Variants in SLC35F3 observed in about 807,000 individuals in gnomAD.
The protein encoded by SLC35F3 is putative thiamine transporter SLC35F3.
In SLC35F3, 25 loss-of-function variants were observed where a neutral mutation model predicts 49.9. The observed-to-expected ratio is 0.50, with a 90% CI of 0.37 to 0.70. The LOEUF is 0.70. Among genes scored for constraint, SLC35F3 ranks in the 30% least tolerant of loss-of-function variants. SLC35F3 has a pLI of 0.00. For missense variants in SLC35F3, 525 were observed against 639.8 expected (o/e 0.82, Z 1.94); for synonymous variants, 275 against 265.4 (o/e 1.04, Z -0.35).
chr1:234,138,258 T>C (rs958846699), intron 2 of SLC35F3, among the ~76,000 whole-genome samples: 1 of 152,126 alleles, frequency 6.6e-6, no homozygotes, highest in African/African-American at 2.4e-5. Flanking sequence ...ATCTCAGAAG[T>C]TGTGGTGAGG....
intron 2 of SLC35F3, among the ~76,000 whole-genome samples, chr1:233,935,080 A>T (rs954100073): frequency 6.7e-6 from 1 of 150,016 alleles, no homozygotes; most frequent in Admixed American, 6.7e-5. Context: ...ATACCTTAAC[A>T]TTTCAGTCAT....
intron 2 of SLC35F3, among the ~76,000 whole-genome samples, chr1:234,086,610 T>C (rs779561167): frequency 6.6e-6 from 1 of 152,198 alleles, no homozygotes; most frequent in Non-Finnish European, 1.5e-5. Context: ...TTACACATGA[T>C]TAATAATTGC....
chr1:233,991,445 A>G (rs113852521), intron 2 of SLC35F3, among the ~76,000 whole-genome samples: 6 of 152,250 alleles, frequency 3.9e-5, no homozygotes, highest in East Asian at 1.9e-4. Context: ...AGAAAAAAAA[A>G]GAAAAAGAAA....
intron 2 of SLC35F3, among the ~76,000 whole-genome samples, chr1:234,044,675 T>G (rs1338455376): frequency 6.6e-6 from 1 of 152,232 alleles, no homozygotes; most frequent in African/African-American, 2.4e-5. Context: ...TCAATTTGCA[T>G]TTCCTAGATT....
At chr1:234,144,366 A>C (rs1001392377) in intron 2 of SLC35F3, among the ~76,000 whole-genome samples, 1 of 152,166 alleles carries the variant, frequency 6.6e-6, no homozygotes, top group Non-Finnish European at 1.5e-5. Context: ...CTCTAAAGCC[A>C]CTAATAAACA....
chr1:234,135,532 G>A (rs891327791), intron 2 of SLC35F3, among the ~76,000 whole-genome samples: 6 of 152,172 alleles, frequency 3.9e-5, no homozygotes, highest in African/African-American at 1.2e-4. Context: ...GTCATACTCA[G>A]GGCTCAGATT....
At position 233,904,969 on chromosome 1, in the gene SLC35F3, C is replaced by T. The variant is rs949446112; in HGVS notation, c.-109C>T. On this transcript the variant is annotated 5_prime_UTR_variant, in exon 1 of 8. Coordinates refer to ENST00000366618, the MANE Select transcript of SLC35F3 (RefSeq NM_173508.4). ...GGGCGGCCGGCGCGGCGCAGACCCT[C>T]GGTGGGCAGCGCACTCCAGTCTTCC... 6 of 1,283,970 alleles carry T rather than the reference C, an allele frequency of 4.7e-6. No individual in the cohort carries two copies. Among genetic ancestry groups the T allele is most frequent in the Admixed American group, 2.2e-5 (1 of 45,014 alleles). 79.5% of individuals were successfully genotyped at this position (1,283,970 alleles called of 1,614,324 possible).
chr1:233,996,775 G>A (rs60741248), intron 2 of SLC35F3, among the ~76,000 whole-genome samples: 8,650 of 152,158 alleles, frequency 0.057, 609 homozygotes, highest in African/African-American at 0.17. Flanking sequence ...TCTCTCATTC[G>A]ATACTCTCAG....
intron 4 of SLC35F3, among the ~76,000 whole-genome samples, chr1:234,315,047 C>T (rs1314239849): frequency 2.0e-5 from 3 of 152,110 alleles, no homozygotes; most frequent in East Asian, 3.9e-4. Context: ...TCTTAATGAA[C>T]ACTTCTACAC....
At chr1:234,036,189 A>C (rs1488766745) in intron 2 of SLC35F3, among the ~76,000 whole-genome samples, 1 of 152,086 alleles carries the variant, frequency 6.6e-6, no homozygotes, top group Non-Finnish European at 1.5e-5. Context: ...CAGCCTCCCA[A>C]GTAGCTGGGA....
intron 2 of SLC35F3, among the ~76,000 whole-genome samples, chr1:234,193,041 T>TA: frequency 6.6e-6 from 1 of 152,184 alleles, no homozygotes; most frequent in East Asian, 1.9e-4. Context: ...CCTACAAATT[T>TA]AATGAAATTC....
chr1:234,323,510 G>A lies in SLC35F3; in HGVS notation c.*267G>A, dbSNP rs1572153697. ...GGTTTAAAAGTTCCCTGCGTAGATC[G>A]TTTTGGATGGCTGACGTTCTTGACA... On this transcript the variant is annotated 3_prime_UTR_variant, in exon 8 of 8. Coordinates refer to ENST00000366618, the MANE Select transcript of SLC35F3 (RefSeq NM_173508.4). This position sits in a 1 kb window ranked among gnomAD's most constrained non-coding sequence, Gnocchi z 4.5. 1 of 467,060 alleles carries A rather than the reference G, an allele frequency of 2.1e-6. No homozygotes were observed. Among genetic ancestry groups the A allele is most frequent in the East Asian group, 3.7e-5 (1 of 26,940 alleles). The allele number at this position is 467,060 out of a possible 1,614,324, so 28.9% of individuals were successfully genotyped here.
chr1:233,937,761 T>C (rs1456554621), intron 2 of SLC35F3, among the ~76,000 whole-genome samples: 2 of 152,150 alleles, frequency 1.3e-5, no homozygotes, highest in African/African-American at 4.8e-5. Flanking sequence ...CAAAAGAAGA[T>C]GAAGGTCACA....
At chr1:234,116,692 T>C (rs570081271) in intron 2 of SLC35F3, among the ~76,000 whole-genome samples, 70 of 152,184 alleles carry the variant, frequency 4.6e-4, no homozygotes, top group Non-Finnish European at 9.0e-4. Context: ...CTTTGTATTT[T>C]TAGTAGAGAC....
rs939536631 is a variant in SLC35F3 at position 233,957,906 on chromosome 1, G to A, written c.283+52148G>A. 1.3e-5 allele frequency among the ~76,000 whole-genome samples: 2 copies of A among 152,194 alleles called. No individual in the cohort carries two copies. Among genetic ancestry groups the A allele is most frequent in the Non-Finnish European group, 2.9e-5 (2 of 68,030 alleles). ...GGCAGCTCTTCTGCTGGTAGTTCTTGAGGCCTTTTATATGTTTGTGGTCAA... is the reference window on the plus strand; with the variant it reads ...GGCAGCTCTTCTGCTGGTAGTTCTTAAGGCCTTTTATATGTTTGTGGTCAA... On this transcript the variant is annotated intron_variant, in intron 2 of 7. Coordinates refer to ENST00000366618, the MANE Select transcript of SLC35F3 (RefSeq NM_173508.4). The surrounding 1 kb of genome is among the most constrained non-coding windows in gnomAD (Gnocchi z 4.0).
At chr1:234,243,405 C>G (rs892986045) in intron 3 of SLC35F3, among the ~76,000 whole-genome samples, 13 of 152,078 alleles carry the variant, frequency 8.5e-5, no homozygotes, top group African/African-American at 2.7e-4. Flanking sequence ...CCCAATAACA[C>G]TTTATTATTA....
intron 3 of SLC35F3, among the ~76,000 whole-genome samples, chr1:234,243,605 A>G (rs1294672746): frequency 6.6e-6 from 1 of 152,160 alleles, no homozygotes; most frequent in Non-Finnish European, 1.5e-5. Flanking sequence ...GGTGTAATAG[A>G]TCTTCTCTAA....
intron 3 of SLC35F3, among the ~76,000 whole-genome samples, chr1:234,238,607 C>G (rs1285130688): frequency 2.0e-5 from 3 of 152,120 alleles, no homozygotes; most frequent in Non-Finnish European, 4.4e-5. Flanking sequence ...TATTTTTCCT[C>G]TGGCATCTCC....
intron 2 of SLC35F3, among the ~76,000 whole-genome samples, chr1:234,157,818 T>G (rs1228724671): frequency 6.6e-6 from 1 of 152,340 alleles, no homozygotes; most frequent in Middle Eastern, 3.4e-3. Context: ...GATCATGACA[T>G]TTCTTCACCA....
Sources: gnomAD v4.1 joint callset for allele counts (sites outside exome capture counted in the v4.1 genomes callset) on GRCh38, gnomAD v4.1.1 for gene constraint, Gnocchi (gnomAD v3.1) non-coding constraint, MANE v1.5 for transcripts, NCBI Gene and HGNC (gene_info 2026-07-23, HGNC 2026-07-21) for gene names.